The following PCSK2 variants were observed in gnomAD, a reference collection of about 807,000 sequenced individuals.
PCSK2 encodes the protein proprotein convertase subtilisin/kexin type 2.
In PCSK2, 14 loss-of-function variants were observed where a neutral mutation model predicts 69.7. That is an observed-to-expected ratio of 0.20 (90% CI 0.13 to 0.31). The LOEUF is 0.31. Among genes scored for constraint, PCSK2 ranks in the 10% least tolerant of loss-of-function variants. The pLI is 1.00. For synonymous variants in PCSK2, 307 were observed against 320.7 expected (o/e 0.96, Z 0.46); for missense variants, 544 against 842.5 (o/e 0.65, Z 4.39).
chr20:17,452,435 G>T (rs1009228434), intron 8 of PCSK2, among the ~76,000 whole-genome samples: 2 of 152,210 alleles, frequency 1.3e-5, no homozygotes, highest in Non-Finnish European at 2.9e-5. Context: ...TGTTAGAAGT[G>T]ATTGAAAATG....
chr20:17,324,385 T>A (rs1367754187), intron 2 of PCSK2, among the ~76,000 whole-genome samples: 1 of 152,212 alleles, frequency 6.6e-6, no homozygotes, highest in Non-Finnish European at 1.5e-5. Flanking sequence ...ATCTGGCACC[T>A]ACCTACCTAT....
intron 10 of PCSK2, among the ~76,000 whole-genome samples, chr20:17,462,008 C>T (rs943748860): frequency 6.6e-6 from 1 of 152,092 alleles, no homozygotes; most frequent in African/African-American, 2.4e-5. Flanking sequence ...CTTGCTGACC[C>T]CTGGACCCAA....
At chr20:17,244,728 T>A (rs897596013) in intron 1 of PCSK2, among the ~76,000 whole-genome samples, 1 of 152,216 alleles carries the variant, frequency 6.6e-6, no homozygotes, top group Admixed American at 6.5e-5. Flanking sequence ...ACTCCCTTGA[T>A]TTCCCTTCAC....
chr20:17,448,009 CT>C lies in PCSK2; in HGVS notation c.886-5729del, dbSNP rs1250172878. On this transcript the variant is annotated intron_variant, in intron 8 of 11. Transcript: ENST00000262545. ...TCTATTCATGTAAGATTATAAAGGA[CT>C]TTTATTTCCTTCATCTTCTATATTC... 3.3e-5 allele frequency among the ~76,000 whole-genome samples: 5 copies of C among 152,250 alleles called. No homozygotes were observed. In the East Asian group the frequency reaches 9.6e-4, roughly 29 times the overall value.
At chr20:17,464,046 A>G (rs1362191033) in intron 10 of PCSK2, 1 of 152,192 alleles carries the variant, frequency 6.6e-6, no homozygotes, top group African/African-American at 2.4e-5. Context: ...CTGCTTTTCT[A>G]TTCTGTTCCA....
intron 2 of PCSK2, among the ~76,000 whole-genome samples, chr20:17,355,650 A>AACACACACACACAC (rs74179105): frequency 2.1e-3 from 318 of 148,788 alleles, no homozygotes; most frequent in Non-Finnish European, 3.7e-3. Context: ...TGTGCACGCA[A>AACACACACACACAC]ACACACACAC....
intron 11 of PCSK2, among the ~76,000 whole-genome samples, chr20:17,477,910 T>C (rs1266692298): frequency 6.6e-6 from 1 of 152,214 alleles, no homozygotes; most frequent in Admixed American, 6.5e-5. Context: ...TCATAAGCCC[T>C]GAGATAACCT....
intron 2 of PCSK2, among the ~76,000 whole-genome samples, chr20:17,268,816 T>C (rs1399673505): frequency 6.6e-6 from 1 of 152,200 alleles, no homozygotes; most frequent in Admixed American, 6.5e-5. Flanking sequence ...GATTGCAATA[T>C]TTCAGAAGAG....
At chr20:17,329,712 G>A (rs141879693) in intron 2 of PCSK2, among the ~76,000 whole-genome samples, 21 of 152,294 alleles carry the variant, frequency 1.4e-4, no homozygotes, top group Non-Finnish European at 2.1e-4. Flanking sequence ...TTGACAAAGC[G>A]AAGCATATTT....
At chr20:17,365,912 T>C (rs13042413) in intron 4 of PCSK2, among the ~76,000 whole-genome samples, 31,932 of 152,158 alleles carry the variant, frequency 0.21, 3,487 homozygotes, top group Middle Eastern at 0.31. Context: ...TGGGCACAGC[T>C]CATGCAGCAG....
At chr20:17,387,076 A>G (rs1480115063) in intron 5 of PCSK2, among the ~76,000 whole-genome samples, 1 of 152,218 alleles carries the variant, frequency 6.6e-6, no homozygotes, top group Non-Finnish European at 1.5e-5. Context: ...GATCATGCAG[A>G]CAGGTAGATC....
intron 1 of PCSK2, among the ~76,000 whole-genome samples, chr20:17,239,618 G>A (rs1029942875): frequency 6.6e-6 from 1 of 152,050 alleles, no homozygotes; most frequent in Non-Finnish European, 1.5e-5. Context: ...CAAGCCAATG[G>A]ACCAAGAAAT....
At chr20:17,329,352 G>A (rs1990151257) in intron 2 of PCSK2, among the ~76,000 whole-genome samples, 1 of 152,160 alleles carries the variant, frequency 6.6e-6, no homozygotes. Context: ...AGTTATATAT[G>A]AGCTAACCCC....
At chr20:17,349,298 G>C (rs563141357) in intron 2 of PCSK2, among the ~76,000 whole-genome samples, 39 of 152,294 alleles carry the variant, frequency 2.6e-4, no homozygotes, top group South Asian at 2.5e-3. Context: ...TTACACAGAA[G>C]GCAGCTGTGT....
At chr20:17,397,567 C>T (rs573486312) in intron 5 of PCSK2, among the ~76,000 whole-genome samples, 6 of 151,982 alleles carry the variant, frequency 3.9e-5, no homozygotes, top group Admixed American at 1.3e-4. Flanking sequence ...GCAACCTCCA[C>T]CTCCTAGGTT....
intron 1 of PCSK2, among the ~76,000 whole-genome samples, chr20:17,235,996 A>T (rs983347491): frequency 1.3e-5 from 2 of 152,136 alleles, no homozygotes; most frequent in Non-Finnish European, 2.9e-5. Context: ...TCATTATTTT[A>T]AAAAATACCA....
intron 2 of PCSK2, among the ~76,000 whole-genome samples, chr20:17,307,734 T>TGC (rs1989371414): frequency 6.6e-6 from 1 of 152,130 alleles, no homozygotes; most frequent in South Asian, 2.1e-4. Flanking sequence ...AACAGATAAT[T>TGC]AATTTAAAAA....
At chr20:17,289,443 A>G (rs1305102558) in intron 2 of PCSK2, among the ~76,000 whole-genome samples, 3 of 152,204 alleles carry the variant, frequency 2.0e-5, no homozygotes, top group Non-Finnish European at 4.4e-5. Context: ...GATGGGGTAT[A>G]TGGGAACCCT....
intron 5 of PCSK2, among the ~76,000 whole-genome samples, chr20:17,394,985 C>G (rs1259732903): frequency 6.6e-6 from 1 of 152,152 alleles, no homozygotes; most frequent in Non-Finnish European, 1.5e-5. Flanking sequence ...TTCACATTAG[C>G]TGGGAACATA....
Sources: allele counts gnomAD v4.1 joint callset (sites outside exome capture counted in the v4.1 genomes callset), GRCh38; gene constraint gnomAD v4.1.1; transcripts MANE v1.5; gene names NCBI Gene and HGNC (gene_info 2026-07-23, HGNC 2026-07-21).